Variants in STAT4 observed in about 807,000 individuals in gnomAD.
STAT4 encodes the protein signal transducer and activator of transcription 4.
Under a neutral mutation model 110.5 loss-of-function variants are expected in STAT4, and 42 were observed. The ratio of observed to expected loss-of-function variants is 0.38; its 90% CI spans 0.30 to 0.49. The LOEUF is 0.49. Ranked by LOEUF, STAT4 falls within the 20% of genes least tolerant of loss-of-function variation. The pLI is 0.95. For missense variants in STAT4, 632 were observed against 887.9 expected (o/e 0.71, Z 3.66); for synonymous variants, 284 against 302.2 (o/e 0.94, Z 0.63).
rs1699151420 is a variant in STAT4, at chr2:191,135,359, C to G, written c.273+11254G>C. 6.6e-6 allele frequency among the ~76,000 whole-genome samples: 1 copy of G among 152,054 alleles called. No individual in the cohort carries two copies. Among genetic ancestry groups the G allele is most frequent in the Non-Finnish European group, 1.5e-5 (1 of 68,006 alleles). ...GCAAGATTGAATCAGGAAAAAAGCCCAAAAAGACCTGAACAGACTAATAAT... is the reference window on the plus strand; with the variant it reads ...GCAAGATTGAATCAGGAAAAAAGCCGAAAAAGACCTGAACAGACTAATAAT... On this transcript the variant is annotated intron_variant, in intron 3 of 23. Transcript: ENST00000392320. The surrounding 1 kb of genome is among the most constrained non-coding windows in gnomAD (Gnocchi z 4.8).
intron 3 of STAT4, among the ~76,000 whole-genome samples, chr2:191,088,689 T>C (rs1054883907): frequency 1.3e-5 from 2 of 152,162 alleles, no homozygotes; most frequent in African/African-American, 2.4e-5. Context: ...TATAAACCTA[T>C]AGTAATCAAG....
rs977474728 is a variant in STAT4, at chr2:191,140,334, G to A, written c.273+6279C>T. ...ACCCACAGCGTGGGAGAAAATATTT[G>A]CAAGCTATGTATCTGACAAAGGACT... On this transcript the variant is annotated intron_variant, in intron 3 of 23. Coordinates refer to ENST00000392320, the MANE Select transcript of STAT4 (RefSeq NM_003151.4). This position sits in a 1 kb window ranked among gnomAD's most constrained non-coding sequence, Gnocchi z 4.4. Among the ~76,000 whole-genome samples the A allele has an allele frequency of 2.0e-5, 3 of 152,168 alleles. 1 individual carries two copies. The East Asian group carries it at 5.8e-4, about 29-fold the overall frequency.
At chr2:191,125,919 A>T (rs4622765) in intron 3 of STAT4, among the ~76,000 whole-genome samples, 92,531 of 151,878 alleles carry the variant, frequency 0.61, 28,959 homozygotes, top group South Asian at 0.78. Flanking sequence ...AAAAACCAAC[A>T]TCCTCCCTGA....
chr2:191,063,694 C>T (rs1247030485), intron 8 of STAT4, among the ~76,000 whole-genome samples: 2 of 152,064 alleles, frequency 1.3e-5, no homozygotes, highest in Non-Finnish European at 2.9e-5. Flanking sequence ...TGGTTGAATC[C>T]CTGCTGATTT....
chr2:191,053,866 C>G lies in STAT4; in HGVS notation c.1251+624G>C, dbSNP rs763556465. On this transcript the variant is annotated intron_variant, in intron 14 of 23. Coordinates refer to ENST00000392320, the MANE Select transcript of STAT4 (RefSeq NM_003151.4). This position sits in a 1 kb window ranked among gnomAD's most constrained non-coding sequence, Gnocchi z 4.5. Reference sequence around the variant, plus strand: ...TCTCCGGGCTGGGCACGGTGGCTCACGCCTATAATCCCAGCATTTTGGGAG... The same window carrying G: ...TCTCCGGGCTGGGCACGGTGGCTCAGGCCTATAATCCCAGCATTTTGGGAG... 2.6e-5 allele frequency among the ~76,000 whole-genome samples: 4 copies of G among 152,142 alleles called. No homozygotes were observed. The highest frequency in any genetic ancestry group is 5.9e-5 in the Non-Finnish European group (4 of 68,030).
intron 14 of STAT4, among the ~76,000 whole-genome samples, chr2:191,041,990 G>A (rs145910790): frequency 1.0e-3 from 158 of 152,270 alleles, no homozygotes; most frequent in African/African-American, 2.9e-3. Flanking sequence ...TAAAGTTTAC[G>A]GTTAAGCCCA....
chr2:191,106,451 GGAGTTCGA>G (rs1429983453), intron 3 of STAT4, among the ~76,000 whole-genome samples: 1 of 151,894 alleles, frequency 6.6e-6, no homozygotes, highest in Non-Finnish European at 1.5e-5. Context: ...CCTGAGGTCA[GGAGTTCGA>G]GTCTGGCCAA....
intron 3 of STAT4, among the ~76,000 whole-genome samples, chr2:191,089,909 G>T (rs149608703): frequency 2.9e-4 from 44 of 152,250 alleles, no homozygotes; most frequent in Admixed American, 8.5e-4. Flanking sequence ...GAAAGAGAGG[G>T]AGTGGATGAT....
At chr2:191,123,844 G>A (rs1283498720) in intron 3 of STAT4, among the ~76,000 whole-genome samples, 1 of 152,226 alleles carries the variant, frequency 6.6e-6, no homozygotes, top group South Asian at 2.1e-4. Flanking sequence ...TGCTAGCCCC[G>A]GAAAAGATCA....
At chr2:191,055,489 G>C (rs1013119691) in intron 13 of STAT4, among the ~76,000 whole-genome samples, 1 of 149,900 alleles carries the variant, frequency 6.7e-6, no homozygotes, top group African/African-American at 2.5e-5. Flanking sequence ...AAAGTGCTGG[G>C]ATTACAGGCG....
At position 191,062,249 on chromosome 2, in the gene STAT4, G is replaced by T. The variant is rs921178108; in HGVS notation, c.942-428C>A. Among the ~76,000 whole-genome samples the T allele has an allele frequency of 6.6e-6, 1 of 151,850 alleles. No individual in the cohort carries two copies. Among genetic ancestry groups the T allele is most frequent in the African/African-American group, 2.4e-5 (1 of 41,344 alleles). ...TTTTTATTTTTCTGTAGAGATGGGG[G>T]TCTTTTTATGCTGTCCAGGCTGTTC... On this transcript the variant is annotated intron_variant, in intron 9 of 23. Transcript: ENST00000392320. The surrounding 1 kb of genome is among the most constrained non-coding windows in gnomAD (Gnocchi z 4.9).
chr2:191,119,254 A>T (rs1698654814), intron 3 of STAT4, among the ~76,000 whole-genome samples: 1 of 152,228 alleles, frequency 6.6e-6, no homozygotes, highest in Non-Finnish European at 1.5e-5. Flanking sequence ...GAAAGATGGG[A>T]CACCCTTGGG....
intron 3 of STAT4, among the ~76,000 whole-genome samples, chr2:191,118,955 G>A (rs1262590660): frequency 6.6e-6 from 1 of 152,048 alleles, no homozygotes; most frequent in Non-Finnish European, 1.5e-5. Context: ...TTGGAAATAT[G>A]AGGTATCACT....
At chr2:191,114,633 A>G (rs4073699) in intron 3 of STAT4, among the ~76,000 whole-genome samples, 84,740 of 151,988 alleles carry the variant, frequency 0.56, 25,309 homozygotes, top group South Asian at 0.74. Flanking sequence ...CAACACCATC[A>G]TGACACCTCC....
Position 191,053,094 on chromosome 2 carries a change from C to G in STAT4, c.1251+1396G>C, listed in dbSNP as rs897244796. ...GGGCATTAAATCTTTTGTGATGGAT[C>G]TTTATGGTTTTGTGAGGTGTGATAA... On this transcript the variant is annotated intron_variant, in intron 14 of 23. Coordinates refer to ENST00000392320, the MANE Select transcript of STAT4 (RefSeq NM_003151.4). This position sits in a 1 kb window ranked among gnomAD's most constrained non-coding sequence, Gnocchi z 4.5. Among the ~76,000 whole-genome samples, 1 of 152,138 alleles carries G rather than the reference C, an allele frequency of 6.6e-6. No individual in the cohort carries two copies. Among genetic ancestry groups the G allele is most frequent in the African/African-American group, 2.4e-5 (1 of 41,436 alleles).
At chr2:191,129,918 T>C (rs1698985761) in intron 3 of STAT4, among the ~76,000 whole-genome samples, 2 of 152,192 alleles carry the variant, frequency 1.3e-5, no homozygotes, top group East Asian at 1.9e-4. Context: ...TATATATTAT[T>C]TGGATTTTTT....
chr2:191,048,963 A>G (rs1341913538), intron 14 of STAT4, among the ~76,000 whole-genome samples: 1 of 151,852 alleles, frequency 6.6e-6, no homozygotes, highest in Non-Finnish European at 1.5e-5. Context: ...ACTGTATTGT[A>G]CTTCTAAAGA....
At position 191,033,985 on chromosome 2, in the gene STAT4, T is replaced by C. The variant is rs759378650; in HGVS notation, c.1641A>G (p.Ser547=). 1.9e-5 allele frequency: 30 copies of C among 1,609,910 alleles called. No individual in the cohort carries two copies. Among genetic ancestry groups the C allele is most frequent in the Non-Finnish European group, 2.3e-5 (27 of 1,178,278 alleles). The change falls in exon 19 of 24, where the codon TCA becomes TCG. Residue 547 remains serine (S), a synonymous_variant. Transcript: ENST00000392320. The surrounding 1 kb of genome is among the most constrained non-coding windows in gnomAD (Gnocchi z 6.9). Reference sequence around the variant, plus strand: ...CTTCAAGCCATGTCCAAAAGGTAAATGATTTACCAGGTAAATGTTCCTACA... The same window carrying C: ...CTTCAAGCCATGTCCAAAAGGTAAACGATTTACCAGGTAAATGTTCCTACA... The part of the protein sequence containing the change: ...KFCKEHLPGK[S]FTFWTWLEAI...
rs1167513285 is a variant in STAT4, at chr2:191,099,290, A to G, written c.274-22965T>C. On this transcript the variant is annotated intron_variant, in intron 3 of 23. Coordinates refer to ENST00000392320, the MANE Select transcript of STAT4 (RefSeq NM_003151.4). This position sits in a 1 kb window ranked among gnomAD's most constrained non-coding sequence, Gnocchi z 4.1. ...GGAACTGTGAATTTTACAACCTATT[A>G]GGAAAGAAATCTCAAAATATCAGAA... 1.3e-5 allele frequency among the ~76,000 whole-genome samples: 2 copies of G among 152,284 alleles called. No homozygotes were observed. Among genetic ancestry groups the G allele is most frequent in the East Asian group, 3.9e-4 (2 of 5,188 alleles).
Sources: allele counts gnomAD v4.1 joint callset (sites outside exome capture counted in the v4.1 genomes callset), GRCh38; gene constraint gnomAD v4.1.1; non-coding constraint Gnocchi (gnomAD v3.1); transcripts MANE v1.5; gene names NCBI Gene and HGNC (gene_info 2026-07-23, HGNC 2026-07-21).